Variants in USP38 observed in about 807,000 individuals in gnomAD.
USP38 encodes the protein ubiquitin specific peptidase 38, also known as ubiquitin carboxyl-terminal hydrolase 38.
A neutral mutation model predicts 94.3 loss-of-function variants in USP38; 49 were observed. The ratio of observed to expected loss-of-function variants is 0.52; its 90% CI spans 0.41 to 0.66. The LOEUF (loss-of-function observed/expected upper bound fraction) is 0.66. USP38 is among the 30% of genes least tolerant of loss of function. The pLI is 0.00. For missense variants in USP38, 1,128 were observed against 1,229.4 expected, an observed-to-expected ratio of 0.92 and a Z score of 1.23; for synonymous variants, 468 against 463.6, an observed-to-expected ratio of 1.01 and a Z score of -0.12.
Position 143,220,816 on chromosome 4 carries a change from A to AAT in USP38, c.*361_*362insTA, listed in dbSNP as rs1732306462. The AAT allele has an allele frequency of 6.4e-6, 1 of 157,430 alleles. No homozygotes were observed. Among genetic ancestry groups the AAT allele is most frequent in the Non-Finnish European group, 1.4e-5 (1 of 71,454 alleles). 9.8% of individuals were successfully genotyped at this position (157,430 alleles called of 1,614,324 possible). ...ATGTAATTTATTTAGCATTCTTTAT[A>AAT]AAAGAATTGATGCTAGAGGTAAAAA... On this transcript the variant is annotated 3_prime_UTR_variant, in exon 10 of 10. Transcript: ENST00000307017.
rs981546625 is a variant in USP38 at position 143,197,770 on chromosome 4, G to T, written c.949-53G>T. ...AGCTCTAGGAAAATAACCACTGTTG[G>T]ATTAATGATTTTCCTGCAAATTCTT... is the stretch of plus-strand genomic sequence containing the variant. On this transcript the variant is annotated intron_variant, in intron 3 of 9. Coordinates refer to ENST00000307017, the MANE Select transcript of USP38 (RefSeq NM_032557.6). The T allele has an allele frequency of 4.7e-6, 6 of 1,269,276 alleles. No individual in the cohort carries two copies. In the Admixed American group the frequency reaches 5.3e-5, roughly 11 times the overall value. The allele number at this position is 1,269,276 out of a possible 1,614,324, so 78.6% of individuals were successfully genotyped here.
chr4:143,207,054 G>C (rs1731887794), intron 6 of USP38, among the ~76,000 whole-genome samples: 3 of 152,160 alleles, frequency 2.0e-5, no homozygotes, highest in Admixed American at 2.0e-4. Flanking sequence ...GAAATCAGAA[G>C]TTGTTAGTTA....
rs1016038254 is a variant in USP38, at chr4:143,209,573, A to G, written c.1413A>G (p.Arg471=). 11 of 1,573,186 alleles carry G rather than the reference A, an allele frequency of 7.0e-6. No homozygotes were observed. The highest frequency in any genetic ancestry group is 8.7e-6 in the Non-Finnish European group (10 of 1,145,784). ...TTATATTCTCTTTCAGTTTCAGGAG[A>G]CAAGTATTATCTTTAAATCTAAATG... ...QALFMATDFR[R]QVLSLNLNGC... Residue 471 remains arginine (R), a synonymous_variant, in exon 7 of 10, where the codon AGA becomes AGG. Coordinates refer to ENST00000307017, the MANE Select transcript of USP38 (RefSeq NM_032557.6).
At chr4:143,189,418 G>A (rs769833640) in intron 2 of USP38, among the ~76,000 whole-genome samples, 1 of 151,772 alleles carries the variant, frequency 6.6e-6, no homozygotes, top group Non-Finnish European at 1.5e-5. Context: ...ATAAGGATTT[G>A]GACAAAATGG....
Position 143,185,517 on chromosome 4 carries a change from C to A in USP38, c.67C>A (p.Arg23=). Reference sequence around the variant, plus strand: ...CCTGCCCCTCAAGCGGGTGATTGTGCGGAAGGTGGTGGAATCGGCGGAGCA... The same window carrying A: ...CCTGCCCCTCAAGCGGGTGATTGTGAGGAAGGTGGTGGAATCGGCGGAGCA... The part of the protein sequence containing the change: ...HPLPLKRVIV[R]KVVESAEHWL... The change falls in exon 1 of 10, where the codon CGG becomes AGG. Residue 23 remains arginine, a synonymous_variant. Coordinates refer to ENST00000307017, the MANE Select transcript of USP38 (RefSeq NM_032557.6). 2 of 1,612,178 alleles carry A rather than the reference C, an allele frequency of 1.2e-6. No homozygotes were observed. The highest frequency in any genetic ancestry group is 1.7e-5 in the Admixed American group (1 of 59,876).
chr4:143,186,471 A>T (rs904057356), intron 1 of USP38, among the ~76,000 whole-genome samples: 2 of 152,224 alleles, frequency 1.3e-5, no homozygotes, highest in Non-Finnish European at 2.9e-5. Context: ...ATTAGTGACT[A>T]ATGGTAGCAT....
In USP38 at chr4:143,187,913, C is replaced by T. The variant is rs777829442; in HGVS notation, c.770C>T (p.Thr257Ile). 3.7e-6 allele frequency: 6 copies of T among 1,613,784 alleles called. No homozygotes were observed. The East Asian group carries it at 1.3e-4, about 36-fold the overall frequency. ...ATTACAGTTCTCATCAGGAGCCTTA[C>T]TACGGATCCAAATGTAAAAGATGCA... Reference protein sequence around the residue: ...QMITVLIRSLTTDPNVKDASM... With the variant: ...QMITVLIRSLITDPNVKDASM... The change falls in exon 2 of 10, where the codon ACT becomes ATT. Residue 257 changes from threonine to isoleucine, a missense_variant. Transcript: ENST00000307017.
At chr4:143,204,396 C>CTT (rs754708719) in intron 5 of USP38, 973 of 395,702 alleles carry the variant, frequency 2.5e-3, no homozygotes, top group East Asian at 5.8e-3. Flanking sequence ...CTAAAAAGCA[C>CTT]TTTTTTTTTT....
At position 143,209,649 on chromosome 4, in the gene USP38, C is replaced by A; in HGVS notation, c.1489C>A (p.His497Asn). The change falls in exon 7 of 10, where the codon CAT (histidine) becomes AAT (asparagine). Residue 497 changes from histidine to asparagine, a missense_variant. By Grantham distance (68) the His-to-Asn change is moderately conservative. Coordinates refer to ENST00000307017, the MANE Select transcript of USP38 (RefSeq NM_032557.6). ...KLQHLFAFLAHTQREAYAPRI... is the reference protein window; with the variant it reads ...KLQHLFAFLANTQREAYAPRI... ...ACAGCATCTTTTTGCCTTTCTGGCC[C>A]ATACACAGGTGAGTGTGTATGTGTA... 1 of 1,600,670 alleles carries A rather than the reference C, an allele frequency of 6.2e-7. No individual in the cohort carries two copies. The highest frequency in any genetic ancestry group is 1.1e-5 in the South Asian group (1 of 90,556).
chr4:143,215,906 CA>C (rs1457588618), intron 9 of USP38, among the ~76,000 whole-genome samples: 2 of 151,964 alleles, frequency 1.3e-5, no homozygotes, highest in African/African-American at 4.8e-5. Context: ...AATAGAAAAT[CA>C]GAATATTTGT....
At chr4:143,187,791 G>T (rs201039320) in intron 1 of USP38, 35 bp from the exon 2 acceptor site, 21 of 1,557,682 alleles carry the variant, frequency 1.3e-5, no homozygotes, top group Admixed American at 1.9e-5. Flanking sequence ...GAACCTACTT[G>T]CCATGTTCCC....
intron 1 of USP38, among the ~76,000 whole-genome samples, chr4:143,187,043 C>T (rs1010918174): frequency 2.0e-5 from 3 of 152,018 alleles, no homozygotes; most frequent in Non-Finnish European, 4.4e-5. Context: ...AATATATTTA[C>T]GAAAGAATTA....
In USP38 at chr4:143,223,417, A is replaced by T. The variant is rs1390361502; in HGVS notation, c.*2961A>T. 1.3e-5 allele frequency: 2 copies of T among 152,154 alleles called. No individual in the cohort carries two copies. The highest frequency in any genetic ancestry group is 2.9e-5 in the Non-Finnish European group (2 of 68,000). 9.4% of individuals were successfully genotyped at this position (152,154 alleles called of 1,614,324 possible). On this transcript the variant is annotated 3_prime_UTR_variant, in exon 10 of 10. Transcript: ENST00000307017. ...GCGAAAGGTTCAAACAGCCTATTAC[A>T]TTAATGCACATGTGGAAAGAACAAA... is the stretch of plus-strand genomic sequence containing the variant.
intron 2 of USP38, among the ~76,000 whole-genome samples, chr4:143,193,418 TA>T (rs1731457686): frequency 6.6e-6 from 1 of 152,330 alleles, no homozygotes; most frequent in South Asian, 2.1e-4. Flanking sequence ...CTACAGTGAA[TA>T]CCCTCTGTAC....
intron 6 of USP38, among the ~76,000 whole-genome samples, chr4:143,209,032 C>CT (rs1731952515): frequency 1.4e-5 from 2 of 147,028 alleles, no homozygotes; most frequent in South Asian, 4.3e-4. Context: ...CTTTAAATGA[C>CT]TTTAATTTTA....
chr4:143,186,201 C>T, intron 1 of USP38, 69 bp downstream of exon 1: 3 of 1,470,274 alleles, frequency 2.0e-6, no homozygotes, highest in Non-Finnish European at 2.8e-6. Flanking sequence ...CACACACATT[C>T]ACACCATGTT....
At position 143,211,468 on chromosome 4, in the gene USP38, C is replaced by T. The variant is rs1420816473; in HGVS notation, c.1498-850C>T. Among the ~76,000 whole-genome samples the T allele has an allele frequency of 3.3e-5, 5 of 152,166 alleles. No individual in the cohort carries two copies. The East Asian group carries it at 7.7e-4, about 24-fold the overall frequency. On this transcript the variant is annotated intron_variant, in intron 7 of 9. Coordinates refer to ENST00000307017, the MANE Select transcript of USP38 (RefSeq NM_032557.6). ...CATTACCTGTTCAGGGTCATGCAAG[C>T]AAGCAGCAGGGTTGAGATATGAACC...
intron 9 of USP38, among the ~76,000 whole-genome samples, chr4:143,219,394 A>G (rs1431918969): frequency 2.0e-5 from 3 of 152,272 alleles, no homozygotes; most frequent in East Asian, 3.9e-4. Flanking sequence ...TTTAGCTAGA[A>G]ATTATAAAAT....
At chr4:143,218,542 T>A (rs1732243448) in intron 9 of USP38, among the ~76,000 whole-genome samples, 1 of 151,514 alleles carries the variant, frequency 6.6e-6, no homozygotes, top group Non-Finnish European at 1.5e-5. Flanking sequence ...TTTCTATAAA[T>A]AATAAAGCAG....
Sources: allele counts gnomAD v4.1 joint callset (sites outside exome capture counted in the v4.1 genomes callset), GRCh38; gene constraint gnomAD v4.1.1; transcripts MANE v1.5; gene names NCBI Gene and HGNC (gene_info 2026-07-23, HGNC 2026-07-21).